TNNI3K: variants seen among roughly 807,000 people sequenced by gnomAD.
The protein encoded by TNNI3K is TNNI3 interacting kinase.
In TNNI3K, 140 loss-of-function variants were observed where a neutral mutation model predicts 114.5. The observed-to-expected ratio is 1.22, with a 90% CI of 1.07 to 1.41. The LOEUF is 1.41. Among genes scored for constraint, TNNI3K ranks in the 40% most tolerant of loss-of-function variants. The pLI is 0.00. For synonymous variants in TNNI3K, 347 were observed against 347.5 expected (o/e 1.00, Z 0.02); for missense variants, 1,125 against 1,007.6 (o/e 1.12, Z -1.58).
chr1:74,307,337 T>G (rs564476500), intron 5 of TNNI3K, among the ~76,000 whole-genome samples: 3 of 152,156 alleles, frequency 2.0e-5, no homozygotes, highest in African/African-American at 7.2e-5. Flanking sequence ...AGTTGCAAAT[T>G]GGATAAAAAT....
At chr1:74,502,660 C>G (rs1254331266) in intron 23 of TNNI3K, among the ~76,000 whole-genome samples, 1 of 152,186 alleles carries the variant, frequency 6.6e-6, no homozygotes, top group Non-Finnish European at 1.5e-5. Flanking sequence ...ACATACTTCC[C>G]TCTGTCTATG....
At chr1:74,331,350 G>A (rs1039941558) in intron 5 of TNNI3K, 100 bp from the exon 6 acceptor site, 7 of 1,221,646 alleles carry the variant, frequency 5.7e-6, no homozygotes, top group Admixed American at 4.6e-5. Flanking sequence ...TTTTAGGGTG[G>A]CAACTCCTGA....
chr1:74,236,264 T>G, intron 2 of TNNI3K, 54 bp downstream of exon 2: 2 of 1,496,382 alleles, frequency 1.3e-6, no homozygotes, highest in Admixed American at 1.9e-5. Context: ...GTATTCACCT[T>G]ATTTTTTAAA....
chr1:74,284,153 TA>T (rs1657183208), intron 5 of TNNI3K, among the ~76,000 whole-genome samples: 1 of 152,196 alleles, frequency 6.6e-6, no homozygotes, highest in Non-Finnish European at 1.5e-5. Context: ...AATACAGTAG[TA>T]AAATAACAAG....
chr1:74,512,895 T>TTAA, intron 23 of TNNI3K, among the ~76,000 whole-genome samples: 1 of 152,176 alleles, frequency 6.6e-6, no homozygotes, highest in Admixed American at 6.5e-5. Context: ...TATGATGGGG[T>TTAA]CACTATGTGA....
At chr1:74,429,113 C>T (rs980770569) in intron 17 of TNNI3K, among the ~76,000 whole-genome samples, 2 of 152,072 alleles carry the variant, frequency 1.3e-5, no homozygotes, top group Admixed American at 1.3e-4. Flanking sequence ...GAATAAGGAG[C>T]TAATCTCCCT....
intron 17 of TNNI3K, among the ~76,000 whole-genome samples, chr1:74,391,766 G>A (rs1407497928): frequency 6.6e-6 from 1 of 152,064 alleles, no homozygotes; most frequent in East Asian, 1.9e-4. Context: ...AGGAGTGGGT[G>A]CTCTCAGAGA....
chr1:74,247,105 G>A (rs989993015), intron 2 of TNNI3K, among the ~76,000 whole-genome samples: 16 of 152,104 alleles, frequency 1.1e-4, no homozygotes, highest in Middle Eastern at 3.2e-3. Context: ...ATGAAGCCGC[G>A]GACCCTCGCA....
chr1:74,518,117 C>A (rs1342129476), intron 23 of TNNI3K, among the ~76,000 whole-genome samples: 3 of 152,046 alleles, frequency 2.0e-5, no homozygotes, highest in Admixed American at 2.0e-4. Flanking sequence ...CAGGAGGTTC[C>A]CAGGTAAGTC....
In TNNI3K at chr1:74,249,465, T is replaced by C. The variant is rs1165242749; in HGVS notation, c.156T>C (p.Asp52=). 1.2e-6 allele frequency: 2 copies of C among 1,612,792 alleles called. No homozygotes were observed. The highest frequency in any genetic ancestry group is 2.2e-5 in the East Asian group (1 of 44,776). The change falls in exon 3 of 25, where the codon GAT becomes GAC. Residue 52 remains aspartate, a synonymous_variant. Coordinates refer to ENST00000326637, the MANE Select transcript of TNNI3K (RefSeq NM_015978.3). The part of the protein sequence containing the change: ...LTELRNIFGS[D]EAFSKVNLNY... ...TGTAACATGTTTTTTTCAGCTCTGATGAAGCCTTCAGTAAAGTCAATTTAA... is the reference window on the plus strand; with the variant it reads ...TGTAACATGTTTTTTTCAGCTCTGACGAAGCCTTCAGTAAAGTCAATTTAA...
intron 20 of TNNI3K, among the ~76,000 whole-genome samples, chr1:74,455,171 C>T (rs1260839217): frequency 1.3e-5 from 2 of 152,098 alleles, no homozygotes; most frequent in Non-Finnish European, 2.9e-5. Context: ...ACTAAGGATG[C>T]TCCCTGGAAG....
At chr1:74,516,701 G>C (rs534011741) in intron 23 of TNNI3K, among the ~76,000 whole-genome samples, 1 of 152,098 alleles carries the variant, frequency 6.6e-6, no homozygotes, top group Non-Finnish European at 1.5e-5. Context: ...GCTTGGTTGA[G>C]GATGGCTTGT....
At chr1:74,288,414 T>C (rs1401708130) in intron 5 of TNNI3K, among the ~76,000 whole-genome samples, 1 of 152,120 alleles carries the variant, frequency 6.6e-6, no homozygotes, top group East Asian at 1.9e-4. Flanking sequence ...AGTATACATA[T>C]CATATATGTG....
chr1:74,451,691 C>CTTTTCTTTTCTTTTCT (rs1553148035), intron 20 of TNNI3K, among the ~76,000 whole-genome samples: 64 of 32,842 alleles, frequency 1.9e-3, no homozygotes, highest in African/African-American at 3.0e-3. Context: ...TCTTTTCTTT[C>CTTTTCTTTTCTTTTCT]TTTCTTTCTT....
At chr1:74,291,151 A>G (rs1042041626) in intron 5 of TNNI3K, among the ~76,000 whole-genome samples, 4 of 151,632 alleles carry the variant, frequency 2.6e-5, no homozygotes, top group African/African-American at 7.2e-5. Flanking sequence ...CTTCTAGAGT[A>G]ATCCCTCTCT....
intron 17 of TNNI3K, among the ~76,000 whole-genome samples, chr1:74,391,503 G>C (rs1663769818): frequency 1.3e-5 from 2 of 152,140 alleles, no homozygotes; most frequent in Admixed American, 1.3e-4. Flanking sequence ...TTTTTGAGAC[G>C]TTAGTTGGGA....
intron 6 of TNNI3K, 55 bp from the exon 7 acceptor site, chr1:74,335,956 G>A: frequency 6.6e-7 from 1 of 1,510,586 alleles, no homozygotes; most frequent in South Asian, 1.4e-5. Flanking sequence ...ACTGCCAAAA[G>A]TTTTGCATTA....
At chr1:74,461,610 G>A (rs1205435358) in intron 20 of TNNI3K, among the ~76,000 whole-genome samples, 1 of 151,914 alleles carries the variant, frequency 6.6e-6, no homozygotes, top group African/African-American at 2.4e-5. Context: ...CAAAAAAAAT[G>A]AGTGGCTATA....
At chr1:74,241,779 A>G (rs902082801) in intron 2 of TNNI3K, among the ~76,000 whole-genome samples, 3 of 150,862 alleles carry the variant, frequency 2.0e-5, no homozygotes, top group African/African-American at 7.3e-5. Context: ...TCTTTAGTTT[A>G]ATTAGATCCC....
Sources: allele counts gnomAD v4.1 joint callset (sites outside exome capture counted in the v4.1 genomes callset), GRCh38; gene constraint gnomAD v4.1.1; transcripts MANE v1.5; gene names NCBI Gene and HGNC (gene_info 2026-07-23, HGNC 2026-07-21).